The following SEC13 variants were observed in gnomAD, a reference collection of about 807,000 sequenced individuals.
SEC13 encodes SEC13 homolog, nuclear pore and COPII component.
A neutral mutation model predicts 49.2 loss-of-function variants in SEC13; 25 were observed. That is an observed-to-expected ratio of 0.51 (90% CI 0.37 to 0.71). The LOEUF (loss-of-function observed/expected upper bound fraction) is 0.71. Ranked by LOEUF, SEC13 falls within the 30% of genes least tolerant of loss-of-function variation. The probability of loss-of-function intolerance (pLI) is 0.00; values close to 1 mark genes in which losing one functional copy is unlikely to be tolerated. For synonymous variants in SEC13, 148 were observed against 163.9 expected (o/e 0.90, Z 0.74); for missense variants, 383 against 417.6 (o/e 0.92, Z 0.72).
At chr3:10,311,770 G>C in intron 5 of SEC13, 195 bp downstream of exon 5, 1 of 1,430,612 alleles carries the variant, frequency 7.0e-7, no homozygotes, top group Non-Finnish European at 9.2e-7. Context: ...CAAGGAAGCA[G>C]TGCCAAGCCC....
At chr3:10,303,894 C>G (rs1700696152) in intron 8 of SEC13, 132 bp downstream of exon 8, 1 of 881,472 alleles carries the variant, frequency 1.1e-6, no homozygotes, top group Non-Finnish European at 1.8e-6. Context: ...CTAAGAGGCA[C>G]ACTCAAAACG....
At chr3:10,312,787 G>A in intron 3 of SEC13, 57 bp from the exon 4 acceptor site, 1 of 1,570,306 alleles carries the variant, frequency 6.4e-7, no homozygotes, top group Non-Finnish European at 8.7e-7. Context: ...GCACTACTTT[G>A]GACAGAACTA....
At chr3:10,315,793 T>C (rs1701568718) in intron 2 of SEC13, among the ~76,000 whole-genome samples, 1 of 152,100 alleles carries the variant, frequency 6.6e-6, no homozygotes, top group Non-Finnish European at 1.5e-5. Context: ...GTTCTTAGGC[T>C]CTGTGGGCTA....
intron 8 of SEC13, chr3:10,303,823 C>CTCATCTG (rs1700692910): frequency 3.3e-6 from 2 of 611,012 alleles, no homozygotes; most frequent in African/African-American, 3.6e-5. Context: ...AGCTTCTTTC[C>CTCATCTG]TCATCTGTGA....
rs765306255 is a variant in SEC13, at chr3:10,305,108, G to C, written c.633C>G (p.His211Gln). Residue 211 changes from histidine (H) to glutamine (Q), a missense_variant, in exon 7 of 9, where the codon CAC becomes CAG. Coordinates refer to ENST00000350697, the MANE Select transcript of SEC13 (RefSeq NM_183352.3). Reference sequence around the variant, plus strand: ...AGGCCACATCTCGAACCCAGTCACTGTGCGCTTCTAGCTTCTGCTCCTCCT... The same window carrying C: ...AGGCCACATCTCGAACCCAGTCACTCTGCGCTTCTAGCTTCTGCTCCTCCT... ...QWKEEQKLEAHSDWVRDVAWA... is the reference protein window; with the variant it reads ...QWKEEQKLEAQSDWVRDVAWA... 2 of 1,614,112 alleles carry C rather than the reference G, an allele frequency of 1.2e-6. No individual in the cohort carries two copies. The highest frequency in any genetic ancestry group is 1.1e-5 in the South Asian group (1 of 91,078).
In SEC13 at chr3:10,318,059, C is replaced by G; in HGVS notation, c.39G>C (p.Glu13Asp). The change falls in exon 2 of 9, where the codon GAG becomes GAC. Residue 13 changes from glutamate to aspartate, a missense_variant. Transcript: ENST00000350697. ...SVINTVDTSH[E>D]DMIHDAQMDY... Reference sequence around the variant, plus strand: ...TGATATTAATACTTACAATCATGTCCTCATGGGAGGTATCCACAGTGTTAA... The same window carrying G: ...TGATATTAATACTTACAATCATGTCGTCATGGGAGGTATCCACAGTGTTAA... 6.2e-7 allele frequency: 1 copy of G among 1,604,720 alleles called. No homozygotes were observed. The highest frequency in any genetic ancestry group is 8.5e-7 in the Non-Finnish European group (1 of 1,171,886).
At position 10,301,437 on chromosome 3, in the gene SEC13, A is replaced by T; in HGVS notation, c.856-63T>A. Reference sequence around the variant, plus strand: ...TGCCCTTCCCTCTGCTGTCCCCTAAATATGAGCCTCATCCTCATCAAGAAC... The same window carrying T: ...TGCCCTTCCCTCTGCTGTCCCCTAATTATGAGCCTCATCCTCATCAAGAAC... On this transcript the variant is annotated intron_variant, in intron 8 of 8. Coordinates refer to ENST00000350697, the MANE Select transcript of SEC13 (RefSeq NM_183352.3). 1.9e-6 allele frequency: 3 copies of T among 1,600,098 alleles called. No individual in the cohort carries two copies. In the South Asian group the frequency reaches 3.3e-5, roughly 18 times the overall value.
At chr3:10,319,085 G>T in intron 1 of SEC13, 1 of 1,460,380 alleles carries the variant, frequency 6.8e-7, no homozygotes, top group Non-Finnish European at 9.3e-7. Context: ...TTAAATTCTT[G>T]GGATAGAAAA....
chr3:10,314,181 C>T (rs1237916245), intron 3 of SEC13, among the ~76,000 whole-genome samples: 1 of 152,136 alleles, frequency 6.6e-6, no homozygotes, highest in South Asian at 2.1e-4. Flanking sequence ...GTGGCACCAT[C>T]GTGGCTCACT....
chr3:10,312,814 G>C, intron 3 of SEC13, 84 bp from the exon 4 acceptor site: 1 of 1,343,668 alleles, frequency 7.4e-7, no homozygotes, highest in East Asian at 2.3e-5. Context: ...TCCCTGAGAC[G>C]ATATATCAGG....
chr3:10,320,992 C>T, intron 1 of SEC13, 58 bp downstream of exon 1: 1 of 1,604,100 alleles, frequency 6.2e-7, no homozygotes, highest in South Asian at 1.1e-5. Flanking sequence ...CCGAGGAACC[C>T]GTGAAGGCCG....
chr3:10,315,325 T>C lies in SEC13; in HGVS notation c.160A>G (p.Arg54Gly). Residue 54 changes from arginine (R) to glycine (G), a missense_variant, in exon 3 of 9, where the codon AGG becomes GGG. Coordinates refer to ENST00000350697, the MANE Select transcript of SEC13 (RefSeq NM_183352.3). ...NGGQILIADL[R>G]GHEGPVWQVA... ...CCTGGGCTCGCCAGCACTTACCCCCTGAGGTCGGCGATAAGGATCTGCCCT... is the reference window on the plus strand; with the variant it reads ...CCTGGGCTCGCCAGCACTTACCCCCCGAGGTCGGCGATAAGGATCTGCCCT... 3 of 1,611,610 alleles carry C rather than the reference T, an allele frequency of 1.9e-6. No homozygotes were observed. Among genetic ancestry groups the C allele is most frequent in the Non-Finnish European group, 2.5e-6 (3 of 1,177,866 alleles).
intron 5 of SEC13, 144 bp downstream of exon 5, chr3:10,311,821 C>G: frequency 6.5e-7 from 1 of 1,545,400 alleles, no homozygotes; most frequent in Non-Finnish European, 8.7e-7. Flanking sequence ...CAAAGCTGCT[C>G]TAGAGCAATC....
At chr3:10,305,256 A>G (rs1180104487) in intron 6 of SEC13, 100 bp from the exon 7 acceptor site, 2 of 1,457,138 alleles carry the variant, frequency 1.4e-6, no homozygotes, top group African/African-American at 1.4e-5. Context: ...AAGCGATTCC[A>G]TCTTTCTTCT....
intron 5 of SEC13, among the ~76,000 whole-genome samples, chr3:10,308,737 A>AAAG (rs1425035145): frequency 6.6e-6 from 1 of 151,248 alleles, no homozygotes; most frequent in Non-Finnish European, 1.5e-5. Flanking sequence ...AATTTTCTTT[A>AAAG]AAGTCTAATA....
At chr3:10,309,487 C>A (rs1701112996) in intron 5 of SEC13, among the ~76,000 whole-genome samples, 1 of 151,890 alleles carries the variant, frequency 6.6e-6, no homozygotes, top group Admixed American at 6.5e-5. Flanking sequence ...CTGCTGTGTT[C>A]ATCGACACTT....
chr3:10,303,303 C>T (rs1024720205), intron 8 of SEC13, among the ~76,000 whole-genome samples: 2 of 152,396 alleles, frequency 1.3e-5, no homozygotes. Flanking sequence ...AGCACAGCCA[C>T]TCCACGTGGA....
intron 8 of SEC13, chr3:10,303,793 C>T (rs919775773): frequency 1.7e-4 from 95 of 553,504 alleles, no homozygotes; most frequent in Non-Finnish European, 1.6e-4. Context: ...GACCCCCATG[C>T]AAGTCAAATC....
chr3:10,309,062 C>T (rs1304551579), intron 5 of SEC13, among the ~76,000 whole-genome samples: 3 of 151,230 alleles, frequency 2.0e-5, no homozygotes, highest in Non-Finnish European at 2.9e-5. Flanking sequence ...CTCAGCCTTC[C>T]GAGTAGCTGA....
Sources: allele counts gnomAD v4.1 joint callset (sites outside exome capture counted in the v4.1 genomes callset), GRCh38; gene constraint gnomAD v4.1.1; transcripts MANE v1.5; gene names NCBI Gene and HGNC (gene_info 2026-07-23, HGNC 2026-07-21).